SCARA3: variants seen among roughly 807,000 people sequenced by gnomAD.
SCARA3 encodes scavenger receptor class A member 3.
SCARA3 carries 39 observed loss-of-function variants against 47.0 expected under a neutral mutation model. That is an observed-to-expected ratio of 0.83 (90% CI 0.64 to 1.08). The LOEUF (loss-of-function observed/expected upper bound fraction) is 1.08, where lower values mean the gene tolerates loss of function less well. SCARA3 is among the 50% of genes least tolerant of loss of function. The pLI, the probability that SCARA3 is intolerant of heterozygous loss-of-function variation, is 0.00. For synonymous variants in SCARA3, 356 were observed against 334.1 expected (o/e 1.07, Z -0.71); for missense variants, 724 against 792.3 (o/e 0.91, Z 1.04).
chr8:27,633,960 G>T lies in SCARA3; in HGVS notation c.-241G>T, dbSNP rs1485684878. ...GGCGGCGGGATGCGCGCTCTGGGCGGCGGGGCGCGGCGCTAGGCGCCCGGC... is the reference window on the plus strand; with the variant it reads ...GGCGGCGGGATGCGCGCTCTGGGCGTCGGGGCGCGGCGCTAGGCGCCCGGC... On this transcript the variant is annotated 5_prime_UTR_variant, in exon 1 of 6. Coordinates refer to ENST00000301904, the MANE Select transcript of SCARA3 (RefSeq NM_016240.3). The T allele has an allele frequency of 3.7e-5, 7 of 188,586 alleles. No individual in the cohort carries two copies. Among genetic ancestry groups the T allele is most frequent in the Admixed American group, 1.9e-4 (3 of 16,208 alleles). The allele number at this position is 188,586 out of a possible 1,614,324, so 11.7% of individuals were successfully genotyped here. A position where few individuals can be genotyped will look rare whatever the true frequency, so the allele number is the denominator to read the frequency against.
At chr8:27,718,767 A>G in the SCARA3 span, among the ~76,000 whole-genome samples, 4 of 152,384 alleles carry the variant, frequency 2.6e-5, no homozygotes, top group Admixed American at 1.3e-4. Context: ...AGATGACTGC[A>G]TAAAAGCAAA....
rs150247465 is a variant in SCARA3, at chr8:27,634,765, G to A, written c.7+558G>A. 5.9e-3 allele frequency among the ~76,000 whole-genome samples: 894 copies of A among 152,310 alleles called. 9 individuals are homozygous for A. Among genetic ancestry groups the A allele is most frequent in the East Asian group, 0.02 (101 of 5,176 alleles). On this transcript the variant is annotated intron_variant, in intron 1 of 5. Transcript: ENST00000301904. ...TGACCTCCTTGGGAGGAAGCCGCCG[G>A]GGAAGCCCCATGGGCCAGGACTGAC...
chr8:27,700,957 T>G, the SCARA3 span, among the ~76,000 whole-genome samples: 1 of 152,284 alleles, frequency 6.6e-6, no homozygotes, highest in East Asian at 1.9e-4. Flanking sequence ...AATGAAAATG[T>G]TTTTCTATAC....
the SCARA3 span, among the ~76,000 whole-genome samples, chr8:27,692,892 A>T: frequency 6.6e-6 from 1 of 152,262 alleles, no homozygotes; most frequent in East Asian, 1.9e-4. Context: ...TGAGAGGCCA[A>T]GGCACGTGCA....
the SCARA3 span, among the ~76,000 whole-genome samples, chr8:27,709,673 A>T: frequency 2.0e-5 from 3 of 152,182 alleles, no homozygotes; most frequent in Admixed American, 2.0e-4. Flanking sequence ...GCTTCCCAAG[A>T]TGCCCAGAGA....
chr8:27,708,047 C>T, the SCARA3 span, among the ~76,000 whole-genome samples: 1 of 152,140 alleles, frequency 6.6e-6, no homozygotes, highest in South Asian at 2.1e-4. Context: ...AAAGCAAAAG[C>T]ATCAACCCAG....
chr8:27,673,470 G>T (rs548366193), downstream of SCARA3, among the ~76,000 whole-genome samples: 2 of 152,250 alleles, frequency 1.3e-5, no homozygotes, highest in Admixed American at 1.3e-4. Context: ...TCTGTGAGTC[G>T]GCACAGCAGC....
At chr8:27,654,208 A>G (rs1478172219) in intron 3 of SCARA3, among the ~76,000 whole-genome samples, 1 of 152,240 alleles carries the variant, frequency 6.6e-6, no homozygotes, top group African/African-American at 2.4e-5. Flanking sequence ...GGCAATAGGC[A>G]TATAGGTCTT....
chr8:27,713,124 T>C, the SCARA3 span, among the ~76,000 whole-genome samples: 664 of 152,360 alleles, frequency 4.4e-3, 2 homozygotes, highest in African/African-American at 0.015. Context: ...ATAACAGCTT[T>C]TATAGCAAAA....
At chr8:27,669,999 C>T (rs1359558226) in intron 5 of SCARA3, among the ~76,000 whole-genome samples, 1 of 152,090 alleles carries the variant, frequency 6.6e-6, no homozygotes, top group African/African-American at 2.4e-5. Context: ...TGGAGACTCT[C>T]AGACCCACAT....
At chr8:27,669,367 A>G (rs991592402) in intron 5 of SCARA3, among the ~76,000 whole-genome samples, 3 of 152,222 alleles carry the variant, frequency 2.0e-5, no homozygotes, top group African/African-American at 7.2e-5. Flanking sequence ...CCCAGGCGCC[A>G]GGAGCAGAGG....
chr8:27,715,865 C>CCTAG, the SCARA3 span, among the ~76,000 whole-genome samples: 3 of 90,034 alleles, frequency 3.3e-5, no homozygotes, highest in Admixed American at 2.7e-4. The surrounding 1 kb of genome is among the most constrained non-coding windows in gnomAD (Gnocchi z 4.2). Context: ...TAGATAGATA[C>CCTAG]ATAGATAGAT....
chr8:27,655,361 G>A (rs1190061555), intron 3 of SCARA3, among the ~76,000 whole-genome samples: 1 of 152,152 alleles, frequency 6.6e-6, no homozygotes, highest in South Asian at 2.1e-4. Context: ...TCTGTGGGAA[G>A]CATCTTGCTG....
chr8:27,688,357 C>G, the SCARA3 span, among the ~76,000 whole-genome samples: 1 of 149,090 alleles, frequency 6.7e-6, no homozygotes, highest in East Asian at 2.0e-4. Flanking sequence ...TACAAAGCAA[C>G]AGATAAATAT....
At chr8:27,706,718 A>G in the SCARA3 span, among the ~76,000 whole-genome samples, 2 of 152,258 alleles carry the variant, frequency 1.3e-5, no homozygotes, top group South Asian at 4.2e-4. Flanking sequence ...AGAATGGATG[A>G]AACTTGGGGA....
chr8:27,674,862 G>A (rs1447447266), downstream of SCARA3, among the ~76,000 whole-genome samples: 1 of 151,526 alleles, frequency 6.6e-6, no homozygotes, highest in African/African-American at 2.4e-5. Context: ...CCGAGTAGCT[G>A]GGACTACAGG....
the SCARA3 span, among the ~76,000 whole-genome samples, chr8:27,708,720 G>C: frequency 6.6e-6 from 1 of 152,042 alleles, no homozygotes; most frequent in East Asian, 1.9e-4. Context: ...CATTCAGGGG[G>C]TACATGTGGA....
chr8:27,663,175 G>T lies in SCARA3; in HGVS notation c.1369+3636G>T, dbSNP rs528573449. ...AGCAAAATGAACGATCAGGTGCACA[G>T]CCCAAAGATCTACCCACTGGGAGCC... On this transcript the variant is annotated intron_variant, in intron 5 of 5. Coordinates refer to ENST00000301904, the MANE Select transcript of SCARA3 (RefSeq NM_016240.3). Among the ~76,000 whole-genome samples, 7 of 152,196 alleles carry T rather than the reference G, an allele frequency of 4.6e-5. No individual in the cohort carries two copies. In the South Asian group the frequency reaches 1.5e-3, roughly 32 times the overall value.
At chr8:27,651,663 G>T in intron 3 of SCARA3, 36 bp downstream of exon 3, 4 of 1,610,044 alleles carry the variant, frequency 2.5e-6, no homozygotes, top group East Asian at 4.5e-5. Flanking sequence ...GGCTGCAGGG[G>T]GGTGTCTGAT....
Sources: allele counts gnomAD v4.1 joint callset (sites outside exome capture counted in the v4.1 genomes callset), GRCh38; gene constraint gnomAD v4.1.1; non-coding constraint Gnocchi (gnomAD v3.1); transcripts MANE v1.5; gene names NCBI Gene and HGNC (gene_info 2026-07-23, HGNC 2026-07-21).